The following HMBOX1 variants were observed in gnomAD, a reference collection of about 807,000 sequenced individuals.
HMBOX1 encodes the protein homeobox-containing protein 1.
A neutral mutation model predicts 54.5 loss-of-function variants in HMBOX1; 14 were observed. The ratio of observed to expected loss-of-function variants is 0.26; its 90% CI spans 0.17 to 0.40. The LOEUF (loss-of-function observed/expected upper bound fraction) is 0.40. HMBOX1 is among the 10% of genes least tolerant of loss of function. The pLI is 1.00. For missense variants in HMBOX1, 332 were observed against 514.4 expected, an observed-to-expected ratio of 0.65 and a Z score of 3.43; for synonymous variants, 160 against 181.0, an observed-to-expected ratio of 0.88 and a Z score of 0.93.
chr8:28,962,272 A>T (rs988534876), intron 1 of HMBOX1, among the ~76,000 whole-genome samples: 1 of 152,074 alleles, frequency 6.6e-6, no homozygotes, highest in African/African-American at 2.4e-5. Flanking sequence ...TTTTAAGCCC[A>T]TTTATGTCTG....
At chr8:28,996,333 C>T (rs895651768) in intron 4 of HMBOX1, among the ~76,000 whole-genome samples, 7 of 152,160 alleles carry the variant, frequency 4.6e-5, no homozygotes, top group Admixed American at 4.6e-4. Flanking sequence ...TATACGTGAA[C>T]TTATATCTGA....
chr8:29,006,930 AATTTT>A (rs1232287086), intron 4 of HMBOX1, among the ~76,000 whole-genome samples: 15 of 152,326 alleles, frequency 9.8e-5, no homozygotes, highest in African/African-American at 3.4e-4. Context: ...CATGTAAAAT[AATTTT>A]ATTTTGTTGA....
At chr8:28,952,631 C>T (rs1344070697) in intron 1 of HMBOX1, among the ~76,000 whole-genome samples, 1 of 152,090 alleles carries the variant, frequency 6.6e-6, no homozygotes, top group Non-Finnish European at 1.5e-5. Context: ...CTTTATCAGT[C>T]CAGCCAGACA....
chr8:29,037,278 A>G (rs1427096152), intron 6 of HMBOX1, among the ~76,000 whole-genome samples: 1 of 152,238 alleles, frequency 6.6e-6, no homozygotes, highest in Admixed American at 6.5e-5. Flanking sequence ...TGTGTTTGCA[A>G]AACAAACTTT....
chr8:28,999,959 A>T (rs1832397107), intron 4 of HMBOX1, among the ~76,000 whole-genome samples: 1 of 152,164 alleles, frequency 6.6e-6, no homozygotes. Flanking sequence ...CATGTCTCAT[A>T]AGTTTTGTTT....
intron 3 of HMBOX1, 74 bp from the exon 4 acceptor site, chr8:28,979,997 C>T: frequency 9.0e-7 from 1 of 1,112,676 alleles, no homozygotes; most frequent in Non-Finnish European, 1.4e-6. Flanking sequence ...CTCTCTGCTT[C>T]ACCTTTCTTT....
intron 1 of HMBOX1, among the ~76,000 whole-genome samples, chr8:28,955,093 G>A (rs975493986): frequency 1.3e-5 from 2 of 151,954 alleles, no homozygotes; most frequent in Non-Finnish European, 2.9e-5. Context: ...TAGTCCTTTG[G>A]TAATTCAGAG....
chr8:29,024,392 C>T (rs186190627), intron 6 of HMBOX1, among the ~76,000 whole-genome samples: 1 of 152,190 alleles, frequency 6.6e-6, no homozygotes, highest in Non-Finnish European at 1.5e-5. Flanking sequence ...AAACAAGCAC[C>T]GTGGTTAATT....
At chr8:29,033,598 G>A (rs933798333) in intron 6 of HMBOX1, among the ~76,000 whole-genome samples, 2 of 152,218 alleles carry the variant, frequency 1.3e-5, no homozygotes, top group African/African-American at 4.8e-5. Flanking sequence ...ATAGCCAGAA[G>A]AGAAATTATC....
At chr8:28,931,034 T>C (rs1167610608) in intron 1 of HMBOX1, among the ~76,000 whole-genome samples, 3 of 152,194 alleles carry the variant, frequency 2.0e-5, no homozygotes, top group African/African-American at 7.2e-5. Context: ...GAATGATTTG[T>C]CTGCCCTTTC....
intron 1 of HMBOX1, among the ~76,000 whole-genome samples, chr8:28,901,400 G>A (rs1813207002): frequency 6.6e-6 from 1 of 151,904 alleles, no homozygotes; most frequent in Non-Finnish European, 1.5e-5. Flanking sequence ...TCCTAGATTT[G>A]AAGGCTTTAA....
chr8:28,937,055 A>T (rs139875570), intron 1 of HMBOX1, among the ~76,000 whole-genome samples: 9 of 152,276 alleles, frequency 5.9e-5, no homozygotes, highest in African/African-American at 2.2e-4. Context: ...TATATTTTTC[A>T]GTTGTCAGTG....
chr8:28,936,071 A>G lies in HMBOX1; in HGVS notation c.-57-27740A>G, dbSNP rs560442857. Among the ~76,000 whole-genome samples, 14 of 152,276 alleles carry G rather than the reference A, an allele frequency of 9.2e-5. No individual in the cohort carries two copies. In the East Asian group the frequency reaches 1.9e-3, roughly 21 times the overall value. On this transcript the variant is annotated intron_variant, in intron 1 of 9. Transcript: ENST00000287701. ...ATCATCATCACCATTGTTATTATAC[A>G]TAGTTGGTCCTTAATAGTTCCTCCC...
intron 1 of HMBOX1, among the ~76,000 whole-genome samples, chr8:28,950,605 A>G (rs1411207047): frequency 6.6e-6 from 1 of 152,138 alleles, no homozygotes; most frequent in Non-Finnish European, 1.5e-5. Flanking sequence ...TACAGTTACA[A>G]CTCTGAAACA....
At chr8:29,027,067 A>G (rs1041676593) in intron 6 of HMBOX1, among the ~76,000 whole-genome samples, 2 of 152,234 alleles carry the variant, frequency 1.3e-5, no homozygotes, top group Admixed American at 1.3e-4. Context: ...GATAAAATAT[A>G]TAATTGACTA....
intron 1 of HMBOX1, among the ~76,000 whole-genome samples, chr8:28,931,999 A>G (rs1819554187): frequency 6.6e-6 from 1 of 152,242 alleles, no homozygotes; most frequent in East Asian, 1.9e-4. Flanking sequence ...TTTAGATAGT[A>G]GTAAGTGCTA....
chr8:29,018,729 A>G, intron 5 of HMBOX1, 31 bp from the exon 6 acceptor site: 2 of 1,602,120 alleles, frequency 1.2e-6, no homozygotes, highest in Non-Finnish European at 1.7e-6. Flanking sequence ...AAACTGCAAG[A>G]TATTTGCTAA....
chr8:28,993,957 T>C (rs1831380202), intron 4 of HMBOX1, among the ~76,000 whole-genome samples: 1 of 152,208 alleles, frequency 6.6e-6, no homozygotes, highest in Admixed American at 6.5e-5. Context: ...TTACTTGAGG[T>C]CAGGAGTTCA....
At chr8:28,940,140 T>C (rs1384789930) in intron 1 of HMBOX1, among the ~76,000 whole-genome samples, 2 of 152,182 alleles carry the variant, frequency 1.3e-5, no homozygotes, top group Admixed American at 6.5e-5. Flanking sequence ...TCCTGATAGC[T>C]AAGATTACAT....
Sources: gnomAD v4.1 joint callset for allele counts (sites outside exome capture counted in the v4.1 genomes callset) on GRCh38, gnomAD v4.1.1 for gene constraint, MANE v1.5 for transcripts, NCBI Gene and HGNC (gene_info 2026-07-23, HGNC 2026-07-21) for gene names.